Variants in DNAAF9 observed in about 807,000 individuals in gnomAD.
DNAAF9 encodes dynein axonemal assembly factor 9.
DNAAF9 carries 90 observed loss-of-function variants against 167.0 expected under a neutral mutation model. The ratio of observed to expected loss-of-function variants is 0.54; its 90% CI spans 0.45 to 0.64. DNAAF9 has a LOEUF of 0.64. DNAAF9 is among the 30% of genes least tolerant of loss of function. The pLI is 0.00. For synonymous variants in DNAAF9, 491 were observed against 508.8 expected (o/e 0.96, Z 0.47); for missense variants, 1,315 against 1,442.2 (o/e 0.91, Z 1.43).
At chr20:3,360,724 G>A (rs2083350896) in intron 6 of DNAAF9, among the ~76,000 whole-genome samples, 1 of 152,150 alleles carries the variant, frequency 6.6e-6, no homozygotes. Context: ...TTTTGTTCCA[G>A]TTTTCAGATT....
At chr20:3,344,573 GA>G (rs1204870493) in intron 8 of DNAAF9, among the ~76,000 whole-genome samples, 3 of 139,210 alleles carry the variant, frequency 2.2e-5, no homozygotes, top group South Asian at 2.4e-4. Context: ...CAATATAATG[GA>G]AAAAATACAC....
intron 20 of DNAAF9, among the ~76,000 whole-genome samples, chr20:3,311,103 A>G (rs1162865165): frequency 6.6e-6 from 1 of 152,234 alleles, no homozygotes; most frequent in East Asian, 1.9e-4. Context: ...AAGAATGCTC[A>G]TAACAGTACA....
chr20:3,361,036 G>A (rs964835958), intron 6 of DNAAF9, among the ~76,000 whole-genome samples: 1 of 152,168 alleles, frequency 6.6e-6, no homozygotes, highest in Non-Finnish European at 1.5e-5. Context: ...TCCCAGGCTG[G>A]TGGAGAGTGA....
chr20:3,263,905 G>A (rs1465115559), intron 31 of DNAAF9, among the ~76,000 whole-genome samples: 2 of 152,236 alleles, frequency 1.3e-5, no homozygotes, highest in Non-Finnish European at 2.9e-5. Flanking sequence ...AGCACACACA[G>A]TAAATGTTCC....
chr20:3,287,288 G>C (rs1354744798), intron 27 of DNAAF9, among the ~76,000 whole-genome samples: 1 of 152,194 alleles, frequency 6.6e-6, no homozygotes, highest in Non-Finnish European at 1.5e-5. Context: ...ACAAGAGGGA[G>C]GACTGAAACA....
chr20:3,365,207 T>G (rs2083414768), intron 6 of DNAAF9, among the ~76,000 whole-genome samples: 1 of 152,074 alleles, frequency 6.6e-6, no homozygotes, highest in African/African-American at 2.4e-5. Flanking sequence ...ACTCCTAGTC[T>G]CAAGTGATCC....
At position 3,332,312 on chromosome 20, in the gene DNAAF9, T is replaced by C; in HGVS notation, c.1031A>G (p.Tyr344Cys). The part of the protein sequence containing the change: ...PKGPLACSRT[Y>C]FFGATHVPYL... ...AGGAACATGAGTAGCTCCAAAAAAGTATGTTCTCGAACAAGCAAGAGGTCC... is the reference window on the plus strand; with the variant it reads ...AGGAACATGAGTAGCTCCAAAAAAGCATGTTCTCGAACAAGCAAGAGGTCC... The change falls in exon 11 of 37, where the codon TAC (tyrosine) becomes TGC (cysteine). Residue 344 changes from tyrosine (Y) to cysteine (C), a missense_variant. Around this residue, in one of 2 missense-constraint regions of DNAAF9, gnomAD observed 981 missense variants for 1,012.5 expected, o/e 0.97. Coordinates refer to ENST00000252032, the MANE Select transcript of DNAAF9 (RefSeq NM_001009984.3). 6.2e-7 allele frequency: 1 copy of C among 1,606,582 alleles called. No individual in the cohort carries two copies. Among genetic ancestry groups the C allele is most frequent in the Non-Finnish European group, 8.5e-7 (1 of 1,173,374 alleles).
At chr20:3,265,353 T>C (rs534210401) in intron 30 of DNAAF9, among the ~76,000 whole-genome samples, 1 of 151,690 alleles carries the variant, frequency 6.6e-6, no homozygotes, top group East Asian at 2.0e-4. Context: ...TCACCTGGGG[T>C]CAGGAGTTCA....
In DNAAF9 at chr20:3,387,884, TAAAAAAAAAAAAAAA is replaced by T. The variant is rs557861791; in HGVS notation, c.84-5393_84-5379del. On this transcript the variant is annotated intron_variant, in intron 1 of 36. Transcript: ENST00000252032. ...AGGGAGACCCTGTCTCTACAAAAAG[TAAAAAAAAAAAAAAA>T]AAAAAAAAAAAAAAAAATTAGCCGG... Among the ~76,000 whole-genome samples, 13 of 87,364 alleles carry T rather than the reference TAAAAAAAAAAAAAAA, an allele frequency of 1.5e-4. No homozygotes were observed. In the East Asian group the frequency reaches 2.1e-3, roughly 14 times the overall value. 57.3% of individuals were successfully genotyped at this position (87,364 alleles called of 152,430 possible).
chr20:3,340,433 T>TCTC, intron 10 of DNAAF9, 71 bp downstream of exon 10: 1 of 221,214 alleles, frequency 4.5e-6, no homozygotes, highest in Non-Finnish European at 9.5e-6. Flanking sequence ...TTTGTCTAGC[T>TCTC]CCCCCCACCC....
At chr20:3,353,645 C>T (rs6037570) in intron 7 of DNAAF9, among the ~76,000 whole-genome samples, 11 of 133,682 alleles carry the variant, frequency 8.2e-5, no homozygotes, top group Non-Finnish European at 9.5e-5. Context: ...CACCCCCCCC[C>T]CCGCAAAAAA....
intron 8 of DNAAF9, 68 bp from the exon 9 acceptor site, chr20:3,343,799 A>T: frequency 8.7e-7 from 1 of 1,146,274 alleles, no homozygotes; most frequent in Non-Finnish European, 1.3e-6. Flanking sequence ...AACCCCTCAC[A>T]TATGTATGTA....
At chr20:3,271,552 GTT>G (rs1208591937) in intron 29 of DNAAF9, among the ~76,000 whole-genome samples, 1 of 151,292 alleles carries the variant, frequency 6.6e-6, no homozygotes, top group Non-Finnish European at 1.5e-5. Context: ...TATTTTAACA[GTT>G]ATAATCATAG....
At chr20:3,361,789 G>C (rs995592554) in intron 6 of DNAAF9, 6 of 1,189,768 alleles carry the variant, frequency 5.0e-6, no homozygotes, top group Non-Finnish European at 7.0e-6. Context: ...AGGTCTACAA[G>C]ACATATCTAG....
rs764951735 is a variant in DNAAF9 at position 3,375,062 on chromosome 20, C to T, written c.473G>A (p.Cys158Tyr). ...ITSFVDMVRDCSRIGIPYSSQ... is the reference protein window; with the variant it reads ...ITSFVDMVRDYSRIGIPYSSQ... ...GCTGTAAGGAATGCCAATTCTACTACAGTCTCGAACCATGTCCACAAAGCT... is the reference window on the plus strand; with the variant it reads ...GCTGTAAGGAATGCCAATTCTACTATAGTCTCGAACCATGTCCACAAAGCT... Residue 158 changes from cysteine (C) to tyrosine (Y), a missense_variant, in exon 5 of 37, where the codon TGT becomes TAT. Cys to Tyr is a radical substitution (Grantham distance 194). Coordinates refer to ENST00000252032, the MANE Select transcript of DNAAF9 (RefSeq NM_001009984.3). 1.9e-6 allele frequency: 3 copies of T among 1,610,268 alleles called. No individual in the cohort carries two copies. Among genetic ancestry groups the T allele is most frequent in the Non-Finnish European group, 2.5e-6 (3 of 1,176,542 alleles).
chr20:3,257,427 G>A (rs6037517), intron 33 of DNAAF9, among the ~76,000 whole-genome samples: 36,586 of 151,884 alleles, frequency 0.24, 4,850 homozygotes, highest in African/African-American at 0.34. Context: ...TAGGATGATC[G>A]CTTGAGCCTG....
intron 20 of DNAAF9, among the ~76,000 whole-genome samples, chr20:3,310,108 C>T (rs2069374438): frequency 1.3e-5 from 2 of 151,866 alleles, no homozygotes; most frequent in South Asian, 4.2e-4. Flanking sequence ...AGGGGAATCG[C>T]TTAAACCTGG....
In DNAAF9 at chr20:3,281,766, G is replaced by A. The variant is rs200034947; in HGVS notation, c.2487C>T (p.Gly829=). 1.1e-5 allele frequency: 17 copies of A among 1,607,986 alleles called. No individual in the cohort carries two copies. The highest frequency in any genetic ancestry group is 8.0e-5 in the African/African-American group (6 of 74,708). Residue 829 remains glycine, a splice_region_variant and synonymous_variant, in exon 28 of 37, where the codon GGC becomes GGT. Coordinates refer to ENST00000252032, the MANE Select transcript of DNAAF9 (RefSeq NM_001009984.3). ...GGACAACATCAATAACATCTGTGTA[G>A]CTGGGGAAGGTAAAAAAGGAATGAT... is the stretch of plus-strand genomic sequence containing the variant. ...KKTRLLVVLQ[G]YTDVIDVVQA... is the part of the protein sequence containing the mutation.
At chr20:3,254,692 T>C (rs1431308483) in intron 35 of DNAAF9, among the ~76,000 whole-genome samples, 1 of 152,172 alleles carries the variant, frequency 6.6e-6, no homozygotes, top group East Asian at 1.9e-4. Context: ...GGACCTAGAC[T>C]CTGTGTCCTT....
Sources: allele counts gnomAD v4.1 joint callset (sites outside exome capture counted in the v4.1 genomes callset), GRCh38; gene constraint gnomAD v4.1.1; regional missense constraint gnomAD v4.1.1; transcripts MANE v1.5; gene names NCBI Gene and HGNC (gene_info 2026-07-23, HGNC 2026-07-21).